THEMIS: variants seen among roughly 807,000 people sequenced by gnomAD.
The protein encoded by THEMIS is thymocyte selection associated, also known as protein THEMIS.
A neutral mutation model predicts 52.6 loss-of-function variants in THEMIS; 37 were observed. The observed-to-expected ratio is 0.70, with a 90% CI of 0.54 to 0.93. The LOEUF (loss-of-function observed/expected upper bound fraction) is 0.93. Among genes scored for constraint, THEMIS ranks in the 40% least tolerant of loss-of-function variants. The pLI is 0.00. For missense variants in THEMIS, 808 were observed against 763.1 expected, an observed-to-expected ratio of 1.06 and a Z score of -0.69; for synonymous variants, 292 against 272.7, an observed-to-expected ratio of 1.07 and a Z score of -0.70.
At chr6:127,706,030 G>A (rs75782997), downstream of THEMIS, among the ~76,000 whole-genome samples, 1,078 of 152,104 alleles carry the variant, frequency 7.1e-3, 58 homozygotes, top group East Asian at 0.13. Flanking sequence ...ACCACTGAAC[G>A]AGTATCTTCC....
chr6:127,705,458 T>C (rs1773787677), downstream of THEMIS, among the ~76,000 whole-genome samples: 1 of 152,136 alleles, frequency 6.6e-6, no homozygotes, highest in African/African-American at 2.4e-5. Context: ...AATTTGCCTG[T>C]CACAAAGACC....
intron 3 of THEMIS, among the ~76,000 whole-genome samples, chr6:127,827,666 G>A (rs1456652094): frequency 6.6e-6 from 1 of 152,042 alleles, no homozygotes; most frequent in African/African-American, 2.4e-5. Flanking sequence ...AACAAGTTTG[G>A]CTTTTTTCCC....
At chr6:127,767,691 T>C (rs1776247053) in intron 4 of THEMIS, among the ~76,000 whole-genome samples, 1 of 152,186 alleles carries the variant, frequency 6.6e-6, no homozygotes, top group Admixed American at 6.5e-5. Flanking sequence ...GTAGAAGGAA[T>C]ATACTCTAGA....
At chr6:127,823,959 C>T (rs1016050424) in intron 3 of THEMIS, among the ~76,000 whole-genome samples, 13 of 152,030 alleles carry the variant, frequency 8.6e-5, no homozygotes, top group Non-Finnish European at 1.8e-4. Context: ...AAAAGGAGTG[C>T]CTATGTGCCT....
chr6:127,845,969 T>C (rs1015029562), intron 2 of THEMIS, among the ~76,000 whole-genome samples: 2 of 152,066 alleles, frequency 1.3e-5, no homozygotes, highest in East Asian at 3.9e-4. Context: ...ACTGAGGCTC[T>C]ACCTGAGCCC....
At chr6:127,814,879 AG>A (rs1270392707) in intron 3 of THEMIS, among the ~76,000 whole-genome samples, 1 of 152,182 alleles carries the variant, frequency 6.6e-6, no homozygotes, top group Non-Finnish European at 1.5e-5. Context: ...TGTATTGGCC[AG>A]GCACTGTGTC....
At chr6:127,911,613 T>C (rs988584751) in intron 1 of THEMIS, among the ~76,000 whole-genome samples, 4 of 151,526 alleles carry the variant, frequency 2.6e-5, no homozygotes, top group Admixed American at 1.3e-4. Flanking sequence ...AAGTTCATAC[T>C]GATATTGCCT....
chr6:127,829,788 C>T lies in THEMIS; in HGVS notation c.397G>A (p.Gly133Ser), dbSNP rs1307895330. The T allele has an allele frequency of 6.2e-7, 1 of 1,614,024 alleles. No individual in the cohort carries two copies. Among genetic ancestry groups the T allele is most frequent in the South Asian group, 1.1e-5 (1 of 91,072 alleles). ...IKLENLIIKQ[G>S]EQIMLNSVEE... Reference sequence around the variant, plus strand: ...ACTGAGTTGAGCATGATTTGCTCACCCTGCTTTATGATGAGGTTCTCTAGT... The same window carrying T: ...ACTGAGTTGAGCATGATTTGCTCACTCTGCTTTATGATGAGGTTCTCTAGT... The change falls in exon 3 of 6, where the codon GGT (glycine) becomes AGT (serine). Residue 133 changes from glycine (G) to serine (S), a missense_variant. By Grantham distance (56) the Gly-to-Ser change is moderately conservative. Transcript: ENST00000368248.
At chr6:127,824,199 A>G (rs1345838772) in intron 3 of THEMIS, among the ~76,000 whole-genome samples, 4 of 152,150 alleles carry the variant, frequency 2.6e-5, no homozygotes, top group Non-Finnish European at 4.4e-5. Context: ...TATATACAGG[A>G]TCTCAGAACC....
chr6:127,736,829 A>G (rs1316934986), intron 4 of THEMIS, among the ~76,000 whole-genome samples: 1 of 148,956 alleles, frequency 6.7e-6, no homozygotes, highest in Non-Finnish European at 1.5e-5. Context: ...ACTATGACAT[A>G]AGTAAAGGAA....
At chr6:127,876,901 C>A (rs1323399559) in intron 1 of THEMIS, among the ~76,000 whole-genome samples, 1 of 152,108 alleles carries the variant, frequency 6.6e-6, no homozygotes, top group African/African-American at 2.4e-5. Flanking sequence ...CTAGGCATAT[C>A]TCAGAGATAT....
At chr6:127,820,460 A>G (rs896064161) in intron 3 of THEMIS, among the ~76,000 whole-genome samples, 3 of 152,154 alleles carry the variant, frequency 2.0e-5, no homozygotes, top group Non-Finnish European at 2.9e-5. Context: ...ATGAGAGCAC[A>G]GGGACTGGAC....
At chr6:127,796,049 G>C (rs1562262803) in intron 4 of THEMIS, among the ~76,000 whole-genome samples, 1 of 152,136 alleles carries the variant, frequency 6.6e-6, no homozygotes, top group Admixed American at 6.5e-5. Context: ...AGATTAAAAA[G>C]TTAAATAAGA....
chr6:127,855,022 T>C lies in THEMIS; in HGVS notation c.250+8A>G. ...GTACAAATGATAAGTGGTTGCAATG[T>C]GCTGTACCTGGAAAATTCATAGGCA... On this transcript the variant is annotated splice_region_variant and intron_variant, in intron 2 of 5. Coordinates refer to ENST00000368248, the MANE Select transcript of THEMIS (RefSeq NM_001010923.3). The C allele has an allele frequency of 1.3e-6, 2 of 1,598,892 alleles. No individual in the cohort carries two copies. The highest frequency in any genetic ancestry group is 1.7e-6 in the Non-Finnish European group (2 of 1,174,232).
intron 1 of THEMIS, among the ~76,000 whole-genome samples, chr6:127,911,365 T>C (rs1474242219): frequency 2.0e-5 from 3 of 151,050 alleles, no homozygotes; most frequent in Non-Finnish European, 4.4e-5. Context: ...TTTATTTATT[T>C]ATTTATTTAA....
At chr6:127,852,644 T>C (rs1318734166) in intron 2 of THEMIS, among the ~76,000 whole-genome samples, 1 of 151,504 alleles carries the variant, frequency 6.6e-6, no homozygotes, top group Non-Finnish European at 1.5e-5. Context: ...AAAATCTAAT[T>C]GGGAACTTAA....
rs1376526130 is a variant in THEMIS, at chr6:127,709,297, C to G, written c.*688G>C. ...GTACATAGCACATAGAATATTAAGA[C>G]ATCGTCTCAGAAATCTGGTGAAATT... On this transcript the variant is annotated 3_prime_UTR_variant, in exon 6 of 6. Transcript: ENST00000368248. 1 of 152,084 alleles carries G rather than the reference C, an allele frequency of 6.6e-6. No homozygotes were observed. Among genetic ancestry groups the G allele is most frequent in the African/African-American group, 2.4e-5 (1 of 41,508 alleles). 9.4% of individuals were successfully genotyped at this position (152,084 alleles called of 1,614,324 possible).
At chr6:127,697,006 C>A in the THEMIS span, among the ~76,000 whole-genome samples, 1 of 151,940 alleles carries the variant, frequency 6.6e-6, no homozygotes, top group African/African-American at 2.4e-5. Context: ...CACATGCGCC[C>A]ACACACACAT....
chr6:127,805,387 G>A (rs1166022044), intron 4 of THEMIS, among the ~76,000 whole-genome samples: 1 of 151,958 alleles, frequency 6.6e-6, no homozygotes, highest in Non-Finnish European at 1.5e-5. Context: ...GAAAGTTTAC[G>A]GCTATAAAAG....
Sources: gnomAD v4.1 joint callset for allele counts (sites outside exome capture counted in the v4.1 genomes callset) on GRCh38, gnomAD v4.1.1 for gene constraint, MANE v1.5 for transcripts, NCBI Gene and HGNC (gene_info 2026-07-23, HGNC 2026-07-21) for gene names.